Variants in MBNL2 observed in about 807,000 individuals in gnomAD.
The protein encoded by MBNL2 is muscleblind-like protein 2.
MBNL2 carries 17 observed loss-of-function variants against 41.9 expected under a neutral mutation model. The observed-to-expected ratio is 0.41, with a 90% CI of 0.28 to 0.61. MBNL2 has a LOEUF of 0.61. MBNL2 is among the 20% of genes least tolerant of loss of function. The pLI, the probability that MBNL2 is intolerant of heterozygous loss-of-function variation, is 0.35. For synonymous variants in MBNL2, 195 were observed against 182.9 expected, an observed-to-expected ratio of 1.07 and a Z score of -0.53; for missense variants, 336 against 505.6, an observed-to-expected ratio of 0.66 and a Z score of 3.22.
At chr13:97,170,090 A>G in the MBNL2 span, among the ~76,000 whole-genome samples, 8 of 152,220 alleles carry the variant, frequency 5.3e-5, no homozygotes, top group Admixed American at 3.3e-4. Context: ...CTGACACTGC[A>G]CTTCATAGGG....
At chr13:97,287,937 TTG>T (rs1213823017) in intron 2 of MBNL2, among the ~76,000 whole-genome samples, 13 of 81,664 alleles carry the variant, frequency 1.6e-4, no homozygotes, top group African/African-American at 4.3e-4. Flanking sequence ...TTGTTTTGTT[TTG>T]TTTTTTTTTT....
At chr13:97,277,510 G>A (rs994814389) in intron 2 of MBNL2, among the ~76,000 whole-genome samples, 3 of 152,148 alleles carry the variant, frequency 2.0e-5, no homozygotes, top group African/African-American at 7.2e-5. Context: ...AAGAGACTGA[G>A]TTGTCCTTTG....
intron 2 of MBNL2, among the ~76,000 whole-genome samples, chr13:97,296,620 T>C (rs1424946832): frequency 6.6e-6 from 1 of 152,180 alleles, no homozygotes; most frequent in Non-Finnish European, 1.5e-5. Context: ...GTTTAATAGA[T>C]AGTAAAGAGG....
intron 2 of MBNL2, among the ~76,000 whole-genome samples, chr13:97,324,991 C>G (rs573677004): frequency 4.6e-5 from 7 of 152,076 alleles, no homozygotes; most frequent in Non-Finnish European, 8.8e-5. Context: ...TCCACTGACT[C>G]AAATGTTAAT....
intron 2 of MBNL2, among the ~76,000 whole-genome samples, chr13:97,315,711 A>G (rs1370162016): frequency 1.3e-5 from 2 of 152,204 alleles, no homozygotes; most frequent in Non-Finnish European, 2.9e-5. Context: ...CCCAACTCCA[A>G]CTGACCTCAG....
At chr13:97,233,121 T>C (rs2042638206) in intron 1 of MBNL2, among the ~76,000 whole-genome samples, 1 of 116,100 alleles carries the variant, frequency 8.6e-6, no homozygotes, top group Non-Finnish European at 1.8e-5. Flanking sequence ...CTTCAGGCTC[T>C]TTTTCATATA....
rs188968088 is a variant in MBNL2 at position 97,320,143 on chromosome 13, T to C, written c.175-14133T>C. On this transcript the variant is annotated intron_variant, in intron 2 of 8. Transcript: ENST00000679496. ...CGCTTCCCAAGGCTGCTATAACCAG[T>C]ATCATAAACTGGATGGCTTAGAGCA... Among the ~76,000 whole-genome samples, 21 of 152,288 alleles carry C rather than the reference T, an allele frequency of 1.4e-4. No individual in the cohort carries two copies. The East Asian group carries it at 4.1e-3, about 29-fold the overall frequency.
At chr13:97,344,107 G>A (rs1035275712) in intron 4 of MBNL2, among the ~76,000 whole-genome samples, 6 of 152,146 alleles carry the variant, frequency 3.9e-5, no homozygotes, top group African/African-American at 9.7e-5. Context: ...CGCCCAGCCC[G>A]TAAATTTAGT....
At chr13:97,277,413 GT>G (rs2052388623) in intron 2 of MBNL2, among the ~76,000 whole-genome samples, 1 of 152,138 alleles carries the variant, frequency 6.6e-6, no homozygotes, top group Admixed American at 6.5e-5. Flanking sequence ...TAAGAAAATT[GT>G]TTATCAATGC....
intron 2 of MBNL2, among the ~76,000 whole-genome samples, chr13:97,294,081 A>C (rs539149311): frequency 3.4e-4 from 51 of 151,454 alleles, no homozygotes; most frequent in African/African-American, 1.1e-3. Context: ...CAACTTTATT[A>C]TATCTTTTTC....
At chr13:97,287,721 C>CTTTTTTTT (rs768809008) in intron 2 of MBNL2, among the ~76,000 whole-genome samples, 1 of 114,934 alleles carries the variant, frequency 8.7e-6, no homozygotes, top group African/African-American at 4.5e-5. Flanking sequence ...CTTTTCTTTT[C>CTTTTTTTT]TTTTTTTTTT....
the MBNL2 span, among the ~76,000 whole-genome samples, chr13:97,191,576 C>G: frequency 6.6e-6 from 1 of 152,026 alleles, no homozygotes; most frequent in Non-Finnish European, 1.5e-5. Flanking sequence ...CCACGTTAGG[C>G]CAGCCTCTCC....
At chr13:97,171,499 A>C in the MBNL2 span, among the ~76,000 whole-genome samples, 1 of 152,184 alleles carries the variant, frequency 6.6e-6, no homozygotes, top group Non-Finnish European at 1.5e-5. Context: ...AAATATATTC[A>C]TGTGTACATA....
intron 5 of MBNL2, among the ~76,000 whole-genome samples, chr13:97,349,140 A>T (rs535639323): frequency 1.3e-5 from 2 of 151,964 alleles, no homozygotes; most frequent in Non-Finnish European, 2.9e-5. Flanking sequence ...TGGACCTAAT[A>T]TTTTTTTATT....
intron 2 of MBNL2, among the ~76,000 whole-genome samples, chr13:97,306,757 A>C (rs2058163576): frequency 6.6e-6 from 1 of 152,124 alleles, no homozygotes. Flanking sequence ...TTATGAGCTC[A>C]TTTTTCATGT....
chr13:97,261,976 T>C (rs2048722953), intron 1 of MBNL2, among the ~76,000 whole-genome samples: 1 of 152,208 alleles, frequency 6.6e-6, no homozygotes, highest in Admixed American at 6.5e-5. Flanking sequence ...CCCCAAGCTC[T>C]TGTCCTGTTT....
At chr13:97,157,665 G>T in the MBNL2 span, among the ~76,000 whole-genome samples, 2 of 150,344 alleles carry the variant, frequency 1.3e-5, no homozygotes, top group African/African-American at 5.0e-5. Flanking sequence ...TGTGGTTTTT[G>T]TCTTTGGCTC....
chr13:97,334,408 T>C lies in MBNL2; in HGVS notation c.307T>C (p.Phe103Leu). 6.2e-7 allele frequency: 1 copy of C among 1,613,386 alleles called. No homozygotes were observed. The highest frequency in any genetic ancestry group is 2.2e-5 in the East Asian group (1 of 44,872). Residue 103 changes from phenylalanine (F) to leucine (L), a missense_variant, in exon 3 of 9, where the codon TTT (phenylalanine) becomes CTT (leucine). Coordinates refer to ENST00000679496, the MANE Select transcript of MBNL2 (RefSeq NM_001382683.1). This position sits in a 1 kb window ranked among gnomAD's most constrained non-coding sequence, Gnocchi z 5.3. Reference protein sequence around the residue: ...AAAMLAQQMQFMFPGTPLHPV... With the variant: ...AAAMLAQQMQLMFPGTPLHPV... Reference sequence around the variant, plus strand: ...AGCAATGCTTGCCCAGCAGATGCAATTTATGTTTCCAGGAACACCACTTCA... The same window carrying C: ...AGCAATGCTTGCCCAGCAGATGCAACTTATGTTTCCAGGAACACCACTTCA...
At chr13:97,222,910 A>G (rs1043584272) in intron 1 of MBNL2, among the ~76,000 whole-genome samples, 3 of 152,174 alleles carry the variant, frequency 2.0e-5, no homozygotes, top group Non-Finnish European at 2.9e-5. Context: ...TTGAAAACAG[A>G]CTTGCAATTA....
Sources: gnomAD v4.1 joint callset for allele counts (sites outside exome capture counted in the v4.1 genomes callset) on GRCh38, gnomAD v4.1.1 for gene constraint, Gnocchi (gnomAD v3.1) non-coding constraint, MANE v1.5 for transcripts, NCBI Gene and HGNC (gene_info 2026-07-23, HGNC 2026-07-21) for gene names.